The following SYN2 variants were observed in gnomAD, a reference collection of about 807,000 sequenced individuals.
The protein encoded by SYN2 is synapsin-2.
In SYN2, 19 loss-of-function variants were observed where a neutral mutation model predicts 50.9. That is an observed-to-expected ratio of 0.37 (90% CI 0.26 to 0.55). The LOEUF (loss-of-function observed/expected upper bound fraction) is 0.55, where lower values mean the gene tolerates loss of function less well. SYN2 is among the 20% of genes least tolerant of loss of function. The probability of loss-of-function intolerance (pLI) is 0.81; values close to 1 mark genes in which losing one functional copy is unlikely to be tolerated. For synonymous variants in SYN2, 255 were observed against 224.9 expected (o/e 1.13, Z -1.20); for missense variants, 587 against 576.4 (o/e 1.02, Z -0.19).
At chr3:12,119,864 A>G (rs1696514483) in intron 1 of SYN2, among the ~76,000 whole-genome samples, 1 of 151,994 alleles carries the variant, frequency 6.6e-6, no homozygotes, top group Non-Finnish European at 1.5e-5. Context: ...TGAGTTTTTT[A>G]TACAGTGTCA....
At chr3:12,016,309 A>G (rs575315607) in intron 1 of SYN2, among the ~76,000 whole-genome samples, 3 of 152,366 alleles carry the variant, frequency 2.0e-5, no homozygotes, top group East Asian at 1.9e-4. Flanking sequence ...GCAAACTGCT[A>G]CTAACTTGAA....
intron 9 of SYN2, among the ~76,000 whole-genome samples, chr3:12,169,223 A>G (rs1403837481): frequency 6.6e-6 from 1 of 152,160 alleles, no homozygotes; most frequent in Non-Finnish European, 1.5e-5. Flanking sequence ...AAAGGAGGAA[A>G]ACATTGATCT....
intron 1 of SYN2, among the ~76,000 whole-genome samples, chr3:12,128,413 G>A (rs1696719294): frequency 1.3e-5 from 2 of 152,120 alleles, no homozygotes; most frequent in Admixed American, 1.3e-4. Flanking sequence ...GCAGCATGGT[G>A]GAATGGAAAG....
chr3:12,098,645 TA>T (rs1205035284), intron 1 of SYN2, among the ~76,000 whole-genome samples: 2 of 151,542 alleles, frequency 1.3e-5, no homozygotes, highest in Non-Finnish European at 2.9e-5. Flanking sequence ...AATGGAGGAA[TA>T]GGGGAATAAA....
chr3:12,189,414 G>A (rs948031435), intron 12 of SYN2, among the ~76,000 whole-genome samples: 8 of 152,284 alleles, frequency 5.3e-5, no homozygotes, highest in Non-Finnish European at 1.0e-4. Context: ...GTAAAGGCCT[G>A]ATATATATCT....
In SYN2 at chr3:12,162,118, G is replaced by A. The variant is rs571115920; in HGVS notation, c.944G>A (p.Arg315Gln). 17 of 1,614,062 alleles carry A rather than the reference G, an allele frequency of 1.1e-5. No homozygotes were observed. The East Asian group carries it at 2.9e-4, about 28-fold the overall frequency. The part of the protein sequence containing the change: ...EPFIDSKYDI[R>Q]VQKIGNNYKA... Reference sequence around the variant, plus strand: ...TTCATTGACTCCAAGTATGACATCCGGGTCCAGAAGATTGGCAACAACTAC... The same window carrying A: ...TTCATTGACTCCAAGTATGACATCCAGGTCCAGAAGATTGGCAACAACTAC... The change falls in exon 7 of 13, where the codon CGG becomes CAG. Residue 315 changes from arginine to glutamine, a missense_variant. Transcript: ENST00000621198.
At chr3:12,155,920 C>T (rs369793092) in intron 5 of SYN2, among the ~76,000 whole-genome samples, 13 of 152,298 alleles carry the variant, frequency 8.5e-5, no homozygotes, top group African/African-American at 3.1e-4. Flanking sequence ...CTGCCTCTTC[C>T]ATCCAGGAGC....
At chr3:12,140,800 A>G (rs1425786039) in intron 2 of SYN2, 92 bp downstream of exon 2, 1 of 715,146 alleles carries the variant, frequency 1.4e-6, no homozygotes, top group Non-Finnish European at 2.6e-6. Context: ...TGAGTGGAAT[A>G]CTGTGTCCAT....
intron 1 of SYN2, among the ~76,000 whole-genome samples, chr3:12,050,711 C>CTTTTTTTT: frequency 0.02 from 989 of 50,584 alleles, 348 homozygotes; most frequent in Non-Finnish European, 0.035. Context: ...CTTCTCTTCT[C>CTTTTTTTT]TTTTTTTTTT....
rs193178778 is a variant in SYN2, at chr3:12,184,231, C to T, written c.1369+859C>T. 5,303 of 985,780 alleles carry T rather than the reference C, an allele frequency of 5.4e-3. 26 individuals are homozygous for T. The highest frequency in any genetic ancestry group is 0.017 in the South Asian group (368 of 21,278). 61.1% of individuals were successfully genotyped at this position (985,780 alleles called of 1,614,324 possible). On this transcript the variant is annotated intron_variant, in intron 11 of 12. Coordinates refer to ENST00000621198, the MANE Select transcript of SYN2 (RefSeq NM_133625.6). ...CTATGAGATTTTTAAAAAATGGGGC[C>T]GCTGATGTGCAATATCAAAGTGAAC...
intron 1 of SYN2, among the ~76,000 whole-genome samples, chr3:12,043,366 AC>A (rs1694663835): frequency 1.3e-5 from 2 of 152,142 alleles, no homozygotes; most frequent in East Asian, 3.9e-4. Context: ...TTTTAAAGCC[AC>A]CAAATTAGTG....
At chr3:12,056,508 CAA>C (rs1479500612) in intron 1 of SYN2, among the ~76,000 whole-genome samples, 3 of 151,710 alleles carry the variant, frequency 2.0e-5, no homozygotes, top group African/African-American at 7.3e-5. Flanking sequence ...GTTGTATGAA[CAA>C]GAGCAAGAGG....
intron 1 of SYN2, among the ~76,000 whole-genome samples, chr3:12,125,525 A>G (rs1489401127): frequency 3.3e-5 from 5 of 152,230 alleles, no homozygotes; most frequent in African/African-American, 1.2e-4. Flanking sequence ...TGCTTTATTC[A>G]GGTCTGATCT....
rs548130487 is a variant in SYN2 at position 12,188,009 on chromosome 3, G to C, written c.1613+397G>C. Among the ~76,000 whole-genome samples, 6 of 31,746 alleles carry C rather than the reference G, an allele frequency of 1.9e-4. No individual in the cohort carries two copies. The East Asian group carries it at 5.2e-3, about 27-fold the overall frequency. 20.8% of individuals were successfully genotyped at this position (31,746 alleles called of 152,430 possible). A position where few individuals can be genotyped will look rare whatever the true frequency, so the allele number is the denominator to read the frequency against. On this transcript the variant is annotated intron_variant, in intron 12 of 12. Coordinates refer to ENST00000621198, the MANE Select transcript of SYN2 (RefSeq NM_133625.6). Reference sequence around the variant, plus strand: ...TCTTTTTTCCATTCCTTTTCTTTGTGTGTGTTTCTTTCTTTGTAAAAAAAA... The same window carrying C: ...TCTTTTTTCCATTCCTTTTCTTTGTCTGTGTTTCTTTCTTTGTAAAAAAAA...
chr3:12,051,525 TTCTTTTAG>T (rs1007845403), intron 1 of SYN2, among the ~76,000 whole-genome samples: 3 of 152,228 alleles, frequency 2.0e-5, no homozygotes, highest in African/African-American at 7.2e-5. Flanking sequence ...AAGTTTTTAT[TTCTTTTAG>T]TACATATGAA....
intron 1 of SYN2, among the ~76,000 whole-genome samples, chr3:12,128,901 T>G (rs1222977923): frequency 3.3e-5 from 5 of 152,174 alleles, no homozygotes; most frequent in Non-Finnish European, 7.3e-5. Context: ...ATTAGAGCAC[T>G]AACATGTACC....
chr3:12,029,259 A>G (rs1406064348), intron 1 of SYN2, among the ~76,000 whole-genome samples: 2 of 132,466 alleles, frequency 1.5e-5, no homozygotes, highest in South Asian at 2.3e-4. Flanking sequence ...TACCAGTACC[A>G]TGCTGTTTTG....
At chr3:12,073,805 C>T (rs1695414360) in intron 1 of SYN2, among the ~76,000 whole-genome samples, 1 of 152,112 alleles carries the variant, frequency 6.6e-6, no homozygotes, top group African/African-American at 2.4e-5. Context: ...TTCATATGTG[C>T]TTAAGAAGAA....
In SYN2 at chr3:12,132,819, CT is replaced by C. The variant is rs375902291; in HGVS notation, c.378-7831del. Among the ~76,000 whole-genome samples, 562 of 152,190 alleles carry C rather than the reference CT, an allele frequency of 3.7e-3. 2 individuals are homozygous for C. The highest frequency in any genetic ancestry group is 0.013 in the African/African-American group (533 of 41,522). On this transcript the variant is annotated intron_variant, in intron 1 of 12. Transcript: ENST00000621198. ...AACTAACATTTTTTTACCTTTCATTCTATCTTTTTGGTTTTTGCCTGTTACA... is the reference window on the plus strand; with the variant it reads ...AACTAACATTTTTTTACCTTTCATTCATCTTTTTGGTTTTTGCCTGTTACA...
Sources: allele counts gnomAD v4.1 joint callset (sites outside exome capture counted in the v4.1 genomes callset), GRCh38; gene constraint gnomAD v4.1.1; transcripts MANE v1.5; gene names NCBI Gene and HGNC (gene_info 2026-07-23, HGNC 2026-07-21).